Variants in TRPM6 observed in about 807,000 individuals in gnomAD.
The protein encoded by TRPM6 is channel kinase 2.
Under a neutral mutation model 247.6 loss-of-function variants are expected in TRPM6, and 111 were observed. The ratio of observed to expected loss-of-function variants is 0.45; its 90% confidence interval spans 0.38 to 0.52. TRPM6 has a LOEUF of 0.52. TRPM6 is among the 20% of genes least tolerant of loss of function. The pLI is 0.00. For synonymous variants in TRPM6, 892 were observed against 853.8 expected (o/e 1.04, Z -0.78); for missense variants, 2,126 against 2,421.5 (o/e 0.88, Z 2.56).
At chr9:74,725,757 T>C (rs923911501) in intron 38 of TRPM6, among the ~76,000 whole-genome samples, 2 of 152,186 alleles carry the variant, frequency 1.3e-5, no homozygotes, top group African/African-American at 2.4e-5. Context: ...AACTGTAAGC[T>C]CATTAAACCT....
chr9:74,825,937 C>T (rs1473133716), intron 7 of TRPM6, among the ~76,000 whole-genome samples: 1 of 151,912 alleles, frequency 6.6e-6, no homozygotes, highest in Non-Finnish European at 1.5e-5. Context: ...ATTCCTACCC[C>T]GCAGAAGACC....
chr9:74,869,538 G>T (rs184580645), intron 1 of TRPM6, among the ~76,000 whole-genome samples: 62 of 151,918 alleles, frequency 4.1e-4, no homozygotes, highest in African/African-American at 1.3e-3. Context: ...TCTGCCAAAG[G>T]CTGGGAGGGC....
At chr9:74,848,837 A>C (rs1325199349) in intron 3 of TRPM6, among the ~76,000 whole-genome samples, 2 of 152,198 alleles carry the variant, frequency 1.3e-5, no homozygotes, top group African/African-American at 4.8e-5. Flanking sequence ...TGCTTATCTG[A>C]TGACAAATAC....
At chr9:74,797,378 A>G (rs1327963074) in intron 17 of TRPM6, among the ~76,000 whole-genome samples, 2 of 152,218 alleles carry the variant, frequency 1.3e-5, no homozygotes, top group African/African-American at 2.4e-5. Flanking sequence ...GAGGCTGCTC[A>G]AGTCCCTGAC....
intron 11 of TRPM6, among the ~76,000 whole-genome samples, chr9:74,814,944 T>C (rs537943602): frequency 2.6e-4 from 40 of 151,788 alleles, no homozygotes; most frequent in African/African-American, 9.4e-4. Context: ...TGAGACCCTA[T>C]CTCAAAAATA....
At chr9:74,875,112 T>G in intron 1 of TRPM6, 2 of 364,532 alleles carry the variant, frequency 5.5e-6, no homozygotes, top group East Asian at 1.7e-4. Context: ...CTCTTCCAGT[T>G]GCAAACCCAG....
intron 7 of TRPM6, among the ~76,000 whole-genome samples, chr9:74,822,883 A>C (rs1038132261): frequency 2.0e-5 from 3 of 152,126 alleles, no homozygotes; most frequent in East Asian, 1.9e-4. Context: ...GTATATATGC[A>C]CATACCTGTA....
intron 24 of TRPM6, among the ~76,000 whole-genome samples, chr9:74,773,701 C>A (rs979314795): frequency 2.9e-4 from 44 of 152,318 alleles, no homozygotes; most frequent in African/African-American, 9.6e-4. Context: ...AGAACTAATA[C>A]AATTCTCCAG....
chr9:74,857,759 T>C (rs765921818), intron 2 of TRPM6: 15 of 152,290 alleles, frequency 9.8e-5, no homozygotes, highest in Non-Finnish European at 1.5e-4. Context: ...GACATGCAAA[T>C]TCATAAAGCA....
At position 74,750,704 on chromosome 9, in the gene TRPM6, A is replaced by C; in HGVS notation, c.5017T>G (p.Leu1673Val). The C allele has an allele frequency of 6.2e-7, 1 of 1,613,886 alleles. No individual in the cohort carries two copies. The highest frequency in any genetic ancestry group is 8.5e-7 in the Non-Finnish European group (1 of 1,179,808). ...QSQEDLSKNS[L>V]WNSRSTNLNR... ...AGGTTGGTGCTCCTGGAATTCCACA[A>C]AGAGTTTTTGCTGAGATCCTGAGCA... Residue 1673 changes from leucine to valine, a missense_variant, in exon 30 of 39, where the codon TTG (leucine) becomes GTG (valine). Transcript: ENST00000360774.
chr9:74,766,770 C>T (rs1403410314), intron 25 of TRPM6, among the ~76,000 whole-genome samples: 12 of 151,610 alleles, frequency 7.9e-5, no homozygotes, highest in Non-Finnish European at 1.5e-4. Flanking sequence ...AATAGCCGGG[C>T]GTGGTGGCAG....
At chr9:74,864,652 G>A (rs1830788588) in intron 1 of TRPM6, among the ~76,000 whole-genome samples, 1 of 152,106 alleles carries the variant, frequency 6.6e-6, no homozygotes, top group African/African-American at 2.4e-5. Flanking sequence ...TTTATTTTTG[G>A]TAACATCTCT....
At position 74,855,524 on chromosome 9, in the gene TRPM6, T is replaced by TA. The variant is rs1564052353; in HGVS notation, c.152+2dup. 1 of 1,602,758 alleles carries TA rather than the reference T, an allele frequency of 6.2e-7. No individual in the cohort carries two copies. Among genetic ancestry groups the TA allele is most frequent in the Non-Finnish European group, 8.5e-7 (1 of 1,170,024 alleles). ...AAAGGAATCTTGCTTATCTAAGTCT[T>TA]ACCTGATTAAATTCTGGCAGACTTG... On this transcript the variant is annotated splice_region_variant and intron_variant, in intron 3 of 38. Coordinates refer to ENST00000360774, the MANE Select transcript of TRPM6 (RefSeq NM_017662.5).
intron 6 of TRPM6, among the ~76,000 whole-genome samples, chr9:74,828,818 G>A (rs912706774): frequency 4.0e-5 from 6 of 151,620 alleles, no homozygotes; most frequent in Admixed American, 6.6e-5. Flanking sequence ...TAGGAGAGAC[G>A]GGGTTTCACG....
At chr9:74,876,954 C>A (rs1260607036) in intron 1 of TRPM6, among the ~76,000 whole-genome samples, 2 of 152,110 alleles carry the variant, frequency 1.3e-5, no homozygotes, top group African/African-American at 4.8e-5. Context: ...AAATAGTTCT[C>A]CAAAGAACAA....
At chr9:74,730,933 G>A (rs909199734) in intron 37 of TRPM6, among the ~76,000 whole-genome samples, 1 of 152,116 alleles carries the variant, frequency 6.6e-6, no homozygotes, top group Admixed American at 6.6e-5. Flanking sequence ...TAAGTCATAA[G>A]AAAATAAAGT....
chr9:74,875,128 T>C (rs2118485873), intron 1 of TRPM6: 1 of 389,260 alleles, frequency 2.6e-6, no homozygotes, highest in Non-Finnish European at 5.3e-6. Context: ...CCCAGGCCAC[T>C]AAATAAGTAA....
chr9:74,752,938 C>A (rs866202728), intron 28 of TRPM6, among the ~76,000 whole-genome samples: 1 of 151,970 alleles, frequency 6.6e-6, no homozygotes, highest in Admixed American at 6.6e-5. Flanking sequence ...CATGGAGAAA[C>A]CCTGTCTCTA....
intron 37 of TRPM6, among the ~76,000 whole-genome samples, chr9:74,730,032 G>A (rs971702344): frequency 1.3e-5 from 2 of 152,150 alleles, no homozygotes; most frequent in African/African-American, 4.8e-5. Context: ...AGGGGAGAAT[G>A]AAGGAGAGTT....
Sources: allele counts gnomAD v4.1 joint callset (sites outside exome capture counted in the v4.1 genomes callset), GRCh38; gene constraint gnomAD v4.1.1; transcripts MANE v1.5; gene names NCBI Gene and HGNC (gene_info 2026-07-23, HGNC 2026-07-21).